Variants in DIP2C observed in about 807,000 individuals in gnomAD.
DIP2C encodes disco-interacting protein 2 homolog C.
Under a neutral mutation model 192.4 loss-of-function variants are expected in DIP2C, and 33 were observed. That is an observed-to-expected ratio of 0.17 (90% CI 0.13 to 0.23). The LOEUF (loss-of-function observed/expected upper bound fraction) is 0.23, where lower values mean the gene tolerates loss of function less well. DIP2C is among the 10% of genes least tolerant of loss of function. DIP2C has a pLI of 1.00. For synonymous variants in DIP2C, 979 were observed against 864.1 expected, an observed-to-expected ratio of 1.13 and a Z score of -2.33; for missense variants, 1,537 against 2,110.1, an observed-to-expected ratio of 0.73 and a Z score of 5.32.
intron 1 of DIP2C, among the ~76,000 whole-genome samples, chr10:543,739 T>C (rs1272564217): frequency 1.3e-5 from 2 of 152,214 alleles, no homozygotes; most frequent in African/African-American, 4.8e-5. Flanking sequence ...TTCTTTAGTT[T>C]CTTTTTACAT....
chr10:318,922 T>A (rs1003005810), intron 31 of DIP2C, among the ~76,000 whole-genome samples: 12 of 151,660 alleles, frequency 7.9e-5, no homozygotes, highest in Admixed American at 3.9e-4. Context: ...TTTTTTTTTT[T>A]ATACAGAGTC....
At chr10:473,850 T>C (rs148007051) in intron 2 of DIP2C, among the ~76,000 whole-genome samples, 1 of 152,294 alleles carries the variant, frequency 6.6e-6, no homozygotes, top group African/African-American at 2.4e-5. Context: ...AGTTGTAGAG[T>C]CTGTGGACTT....
chr10:329,302 A>G, intron 30 of DIP2C, 131 bp downstream of exon 30: 2 of 926,098 alleles, frequency 2.2e-6, no homozygotes, highest in South Asian at 2.5e-5. Context: ...TGTAAGCTTC[A>G]GGTGACGTTA....
intron 1 of DIP2C, among the ~76,000 whole-genome samples, chr10:611,652 T>TA (rs1564268310): frequency 6.6e-6 from 1 of 152,154 alleles, no homozygotes; most frequent in Non-Finnish European, 1.5e-5. Flanking sequence ...TTAAACATCT[T>TA]AAGCTTCCTT....
intron 2 of DIP2C, among the ~76,000 whole-genome samples, chr10:472,923 G>A (rs1970746597): frequency 6.6e-6 from 1 of 152,200 alleles, no homozygotes; most frequent in Non-Finnish European, 1.5e-5. Context: ...AGAATGAGCT[G>A]TATAAGCTCT....
rs1252683792 is a variant in DIP2C at position 472,551 on chromosome 10, T to TGGATTTCAA, written c.158-11_158-3dup. The TGGATTTCAA allele has an allele frequency of 6.2e-7, 1 of 1,613,248 alleles. No homozygotes were observed. Among genetic ancestry groups the TGGATTTCAA allele is most frequent in the African/African-American group, 1.3e-5 (1 of 74,906 alleles). On this transcript the variant is annotated splice_region_variant and splice_polypyrimidine_tract_variant and intron_variant, in intron 2 of 36. Coordinates refer to ENST00000280886, the MANE Select transcript of DIP2C (RefSeq NM_014974.3). ...CTTGCGGCAAAGCTTGGTCCACCCCTGGATTTCAATAAAAACAGCAGAGTG... is the reference window on the plus strand; with the variant it reads ...CTTGCGGCAAAGCTTGGTCCACCCCTGGATTTCAAGGATTTCAATAAAAACAGCAGAGTG...
intron 4 of DIP2C, among the ~76,000 whole-genome samples, chr10:435,368 G>T (rs1407498912): frequency 6.6e-6 from 1 of 152,152 alleles, no homozygotes; most frequent in Non-Finnish European, 1.5e-5. Context: ...GTAAGTATGA[G>T]GGGATTCTTC....
chr10:616,908 G>A (rs956718253), intron 1 of DIP2C, among the ~76,000 whole-genome samples: 3 of 152,198 alleles, frequency 2.0e-5, no homozygotes, highest in African/African-American at 7.2e-5. Flanking sequence ...GGCCAGACAG[G>A]ACAAGGATGG....
intron 1 of DIP2C, among the ~76,000 whole-genome samples, chr10:578,878 C>T (rs553892375): frequency 7.9e-5 from 12 of 152,110 alleles, no homozygotes; most frequent in South Asian, 4.1e-4. Flanking sequence ...CACACATGTA[C>T]GTGCATAGAG....
intron 1 of DIP2C, among the ~76,000 whole-genome samples, chr10:656,218 T>C (rs1856317865): frequency 1.3e-5 from 2 of 151,668 alleles, no homozygotes; most frequent in African/African-American, 4.8e-5. Flanking sequence ...CACTATACTA[T>C]ATAATGTTAC....
chr10:402,267 T>C (rs1195299978), intron 9 of DIP2C, among the ~76,000 whole-genome samples: 1 of 18,110 alleles, frequency 5.5e-5, no homozygotes, highest in African/African-American at 6.8e-5. Context: ...CTCTTCCTTA[T>C]GGACAAGTTT....
intron 28 of DIP2C, among the ~76,000 whole-genome samples, chr10:344,185 A>G (rs1450374891): frequency 1.3e-5 from 2 of 152,214 alleles, no homozygotes; most frequent in Non-Finnish European, 2.9e-5. Context: ...CAGTAAGTAA[A>G]TCATCTTGAT....
chr10:536,175 G>A (rs1021013976), intron 1 of DIP2C, among the ~76,000 whole-genome samples: 3 of 152,304 alleles, frequency 2.0e-5, no homozygotes, highest in African/African-American at 7.2e-5. Flanking sequence ...CAGCATGTGC[G>A]CTCAGGCGTC....
chr10:280,685 G>A (rs1380334041), intron 36 of DIP2C, among the ~76,000 whole-genome samples: 2 of 152,260 alleles, frequency 1.3e-5, no homozygotes, highest in Non-Finnish European at 2.9e-5. Flanking sequence ...CCAGAGCAGA[G>A]TCTGCCCCCA....
chr10:492,733 C>A (rs1282596974), intron 1 of DIP2C, among the ~76,000 whole-genome samples: 2 of 152,090 alleles, frequency 1.3e-5, no homozygotes, highest in Non-Finnish European at 2.9e-5. Flanking sequence ...TAGAGTTTTA[C>A]CTTTTTGGTT....
chr10:668,620 C>A (rs188734818), intron 1 of DIP2C: 8 of 152,388 alleles, frequency 5.2e-5, no homozygotes, highest in African/African-American at 1.9e-4. Flanking sequence ...AACACACATA[C>A]AACCCATGCC....
intron 1 of DIP2C, among the ~76,000 whole-genome samples, chr10:543,887 T>A (rs893676893): frequency 1.4e-5 from 2 of 146,362 alleles, no homozygotes; most frequent in African/African-American, 5.5e-5. Context: ...AAAGAAACCT[T>A]GAATCCATTA....
At chr10:472,411 G>A (rs140648802) in intron 3 of DIP2C, 28 bp downstream of exon 3, 1,219 of 1,595,982 alleles carry the variant, frequency 7.6e-4, no homozygotes, top group Non-Finnish European at 9.1e-4. Context: ...GCAGATGGAC[G>A]TATTGTATCA....
chr10:439,624 AAAAC>A (rs754216222), intron 4 of DIP2C, among the ~76,000 whole-genome samples: 6 of 152,268 alleles, frequency 3.9e-5, no homozygotes, highest in Non-Finnish European at 7.4e-5. Flanking sequence ...ACCCTGTCTC[AAAAC>A]AAACAAAAAA....
Sources: gnomAD v4.1 joint callset for allele counts (sites outside exome capture counted in the v4.1 genomes callset) on GRCh38, gnomAD v4.1.1 for gene constraint, MANE v1.5 for transcripts, NCBI Gene and HGNC (gene_info 2026-07-23, HGNC 2026-07-21) for gene names.